SORCS2: variants seen among roughly 807,000 people sequenced by gnomAD.
The protein encoded by SORCS2 is sortilin related VPS10 domain containing receptor 2, also known as VPS10 domain-containing receptor SorCS2.
In SORCS2, 100 loss-of-function variants were observed where a neutral mutation model predicts 141.6. That is an observed-to-expected ratio of 0.71 (90% confidence interval 0.60 to 0.83). The LOEUF is 0.83. SORCS2 is among the 40% of genes least tolerant of loss of function. The pLI is 0.00. For synonymous variants in SORCS2, 789 were observed against 676.9 expected (o/e 1.17, Z -2.57); for missense variants, 1,646 against 1,560.2 (o/e 1.05, Z -0.93).
chr4:7,675,224 G>C (rs17466028), intron 8 of SORCS2, among the ~76,000 whole-genome samples: 67,353 of 152,144 alleles, frequency 0.44, 17,483 homozygotes, highest in African/African-American at 0.73. Flanking sequence ...AACCCGAAGC[G>C]CTGAGCCCAC....
At chr4:7,343,847 G>T (rs1720507136) in intron 1 of SORCS2, among the ~76,000 whole-genome samples, 1 of 152,222 alleles carries the variant, frequency 6.6e-6, no homozygotes. Flanking sequence ...CCACGAGGAA[G>T]GTTGACAGGC....
chr4:7,641,236 G>A (rs1465158017), intron 4 of SORCS2, among the ~76,000 whole-genome samples: 1 of 152,228 alleles, frequency 6.6e-6, no homozygotes, highest in African/African-American at 2.4e-5. Flanking sequence ...GAAGAAAGAG[G>A]TTTAATTGAC....
At chr4:7,582,042 G>A (rs1030078905) in intron 3 of SORCS2, among the ~76,000 whole-genome samples, 2 of 152,084 alleles carry the variant, frequency 1.3e-5, no homozygotes, top group Non-Finnish European at 2.9e-5. Flanking sequence ...CTTCAAAATA[G>A]TCTATGATTT....
At chr4:7,272,289 G>T (rs1004108584) in intron 1 of SORCS2, among the ~76,000 whole-genome samples, 5 of 152,170 alleles carry the variant, frequency 3.3e-5, no homozygotes, top group African/African-American at 9.7e-5. Flanking sequence ...AAATTTCAAA[G>T]CGTATATTTC....
chr4:7,615,195 T>A (rs1718682772), intron 3 of SORCS2, among the ~76,000 whole-genome samples: 1 of 152,210 alleles, frequency 6.6e-6, no homozygotes, highest in Non-Finnish European at 1.5e-5. Context: ...CTTCACTCCA[T>A]ATTGATTTGT....
Position 7,697,177 on chromosome 4 carries a change from GC to G in SORCS2, c.1592-17del, listed in dbSNP as rs771111927. The G allele has an allele frequency of 3.2e-6, 5 of 1,556,170 alleles. No homozygotes were observed. The highest frequency in any genetic ancestry group is 1.9e-5 in the Admixed American group (1 of 52,850). On this transcript the variant is annotated intron_variant, in intron 11 of 26. Coordinates refer to ENST00000507866, the MANE Select transcript of SORCS2 (RefSeq NM_020777.3). ...GCTGGACGATCCTAAGGGTAGTACT[GC>G]CCCTTTTCTTTTGGACCAGGTAACC... is the stretch of plus-strand genomic sequence containing the variant.
intron 3 of SORCS2, among the ~76,000 whole-genome samples, chr4:7,583,554 C>T (rs1442525130): frequency 6.6e-6 from 1 of 152,186 alleles, no homozygotes; most frequent in African/African-American, 2.4e-5. Flanking sequence ...TGGGAGATAA[C>T]TGAATCATGG....
rs532828914 is a variant in SORCS2, at chr4:7,648,906, G to C, written c.814-5228G>C. ...AGGATGTCCTGGATCTGAGGAGCTA[G>C]AGGCCAGAGAACCAGAGTTCTGAGC... is the stretch of plus-strand genomic sequence containing the variant. On this transcript the variant is annotated intron_variant, in intron 4 of 26. Coordinates refer to ENST00000507866, the MANE Select transcript of SORCS2 (RefSeq NM_020777.3). This position sits in a 1 kb window ranked among gnomAD's most constrained non-coding sequence, Gnocchi z 4.2. 4.8e-4 allele frequency among the ~76,000 whole-genome samples: 73 copies of C among 152,280 alleles called. No homozygotes were observed. Among genetic ancestry groups the C allele is most frequent in the Non-Finnish European group, 9.3e-4 (63 of 68,020 alleles).
In SORCS2 at chr4:7,603,015, C is replaced by G. The variant is rs187121509; in HGVS notation, c.649-35313C>G. On this transcript the variant is annotated intron_variant, in intron 3 of 26. Transcript: ENST00000507866. ...CCACCAAAAAAATACAAAAACCAGT[C>G]AGGCGTGGTGGTGTGCGCCTGCAAT... 7.2e-4 allele frequency among the ~76,000 whole-genome samples: 110 copies of G among 152,348 alleles called. 2 individuals are homozygous for G. The highest frequency in any genetic ancestry group is 2.5e-3 in the African/African-American group (106 of 41,588).
intron 2 of SORCS2, among the ~76,000 whole-genome samples, chr4:7,404,818 G>A (rs938646176): frequency 6.6e-6 from 1 of 152,052 alleles, no homozygotes; most frequent in Non-Finnish European, 1.5e-5. Context: ...TGTCCATGCT[G>A]TTGGTTATTT....
At chr4:7,403,831 G>A (rs1454291860) in intron 2 of SORCS2, among the ~76,000 whole-genome samples, 1 of 143,456 alleles carries the variant, frequency 7.0e-6, no homozygotes, top group Non-Finnish European at 1.5e-5. Context: ...GTGAAGTCAG[G>A]GCTTTTGGAG....
chr4:7,396,061 G>T (rs1214950687), intron 1 of SORCS2, among the ~76,000 whole-genome samples: 1 of 152,194 alleles, frequency 6.6e-6, no homozygotes, highest in Non-Finnish European at 1.5e-5. Context: ...TGTTCCCAGA[G>T]TCATTCTGCA....
chr4:7,650,096 A>C (rs939631047), intron 4 of SORCS2, among the ~76,000 whole-genome samples: 1 of 152,218 alleles, frequency 6.6e-6, no homozygotes, highest in Non-Finnish European at 1.5e-5. Context: ...CAAATGATTC[A>C]TTCTAGACAG....
At chr4:7,403,997 A>ATATATATATATATAT (rs1265288820) in intron 2 of SORCS2, among the ~76,000 whole-genome samples, 22 of 18,934 alleles carry the variant, frequency 1.2e-3, no homozygotes, top group East Asian at 2.5e-3. Context: ...ATATATATAT[A>ATATATATATATATAT]TTTTTTTTTT....
intron 6 of SORCS2, 51 bp downstream of exon 6, chr4:7,661,615 C>T (rs559435758): frequency 1.3e-5 from 19 of 1,511,996 alleles, no homozygotes; most frequent in Admixed American, 9.9e-5. Flanking sequence ...ACCTCGCACC[C>T]GACACAGCTC....
rs1725924024 is a variant in SORCS2, at chr4:7,712,926, A to T, written c.1989+73A>T. On this transcript the variant is annotated intron_variant, in intron 15 of 26. Coordinates refer to ENST00000507866, the MANE Select transcript of SORCS2 (RefSeq NM_020777.3). ...AACACAGGCCCACTCTGCCTGCCAA[A>T]GTCCTCCCCTGCAAGGCCGCAGGGC... The T allele has an allele frequency of 5.7e-6, 9 of 1,580,250 alleles. No homozygotes were observed. The South Asian group carries it at 7.9e-5, about 14-fold the overall frequency.
In SORCS2 at chr4:7,314,278, C is replaced by T. The variant is rs542402391; in HGVS notation, c.481-82010C>T. ...CAGCGGGATGCGACATGCAGGGCTCCGCATTCACAGGGACTCTCCCCAGAG... is the reference window on the plus strand; with the variant it reads ...CAGCGGGATGCGACATGCAGGGCTCTGCATTCACAGGGACTCTCCCCAGAG... On this transcript the variant is annotated intron_variant, in intron 1 of 26. Coordinates refer to ENST00000507866, the MANE Select transcript of SORCS2 (RefSeq NM_020777.3). Among the ~76,000 whole-genome samples the T allele has an allele frequency of 5.3e-5, 8 of 152,056 alleles. No individual in the cohort carries two copies. In the East Asian group the frequency reaches 5.8e-4, roughly 11 times the overall value.
intron 1 of SORCS2, among the ~76,000 whole-genome samples, chr4:7,353,393 T>C (rs1721065886): frequency 6.6e-6 from 1 of 152,190 alleles, no homozygotes; most frequent in Non-Finnish European, 1.5e-5. Flanking sequence ...GGTTCCACAC[T>C]GAACCTAGGA....
chr4:7,370,469 A>G (rs891415064), intron 1 of SORCS2, among the ~76,000 whole-genome samples: 1 of 152,252 alleles, frequency 6.6e-6, no homozygotes. Context: ...CTTCATAATT[A>G]GTTGCAGCAA....
Sources: gnomAD v4.1 joint callset for allele counts (sites outside exome capture counted in the v4.1 genomes callset) on GRCh38, gnomAD v4.1.1 for gene constraint, Gnocchi (gnomAD v3.1) non-coding constraint, MANE v1.5 for transcripts, NCBI Gene and HGNC (gene_info 2026-07-23, HGNC 2026-07-21) for gene names.